Variants in SCFD1 observed in about 807,000 individuals in gnomAD.
The protein encoded by SCFD1 is sec1 family domain containing 1, also known as sec1 family domain-containing protein 1.
Under a neutral mutation model 103.2 loss-of-function variants are expected in SCFD1, and 37 were observed. That is an observed-to-expected ratio of 0.36 (90% confidence interval 0.28 to 0.47). The LOEUF (loss-of-function observed/expected upper bound fraction) is 0.47. SCFD1 is among the 20% of genes least tolerant of loss of function. The pLI is 1.00. For synonymous variants in SCFD1, 264 were observed against 245.0 expected, an observed-to-expected ratio of 1.08 and a Z score of -0.73; for missense variants, 639 against 761.2, an observed-to-expected ratio of 0.84 and a Z score of 1.89.
chr14:30,649,121 T>A (rs1001278280), intron 7 of SCFD1, among the ~76,000 whole-genome samples: 5 of 152,214 alleles, frequency 3.3e-5, no homozygotes, highest in Non-Finnish European at 7.3e-5. Flanking sequence ...TTTTCTTTAT[T>A]AATGGGAAGG....
rs1035703489 is a variant in SCFD1, at chr14:30,684,679, C to T, written c.1242+9614C>T. ...TTCATTATATATAATCTATATTCCA[C>T]GCATAGTGCTTTTGATTGTCTAGAA... On this transcript the variant is annotated intron_variant, in intron 14 of 24. Transcript: ENST00000458591. Among the ~76,000 whole-genome samples, 6 of 147,836 alleles carry T rather than the reference C, an allele frequency of 4.1e-5. No individual in the cohort carries two copies. The East Asian group carries it at 5.9e-4, about 14-fold the overall frequency.
chr14:30,677,707 C>A (rs1374577738), intron 14 of SCFD1, among the ~76,000 whole-genome samples: 1 of 151,838 alleles, frequency 6.6e-6, no homozygotes, highest in Non-Finnish European at 1.5e-5. Context: ...AAGCCACCTA[C>A]TGCTGGCTGT....
intron 15 of SCFD1, among the ~76,000 whole-genome samples, chr14:30,698,147 T>G (rs545685332): frequency 6.6e-6 from 1 of 152,332 alleles, no homozygotes; most frequent in South Asian, 2.1e-4. Context: ...CAAACTGTAC[T>G]TAAAATTTTT....
At chr14:30,622,272 C>A, upstream of SCFD1, 2 of 1,580,302 alleles carry the variant, frequency 1.3e-6, no homozygotes, top group African/African-American at 1.3e-5. Context: ...GCTTCCGGGG[C>A]GGTAAGGGCA....
chr14:30,628,221 G>T lies in SCFD1; in HGVS notation c.74G>T (p.Arg25Leu). The change falls in exon 2 of 25, where the codon CGT becomes CTT. Residue 25 changes from arginine to leucine, a missense_variant. Arg to Leu is a moderately radical substitution (Grantham distance 102). Transcript: ENST00000458591. ...IRERQTVALK[R>L]MLNFNVPHIK... ...TTTTTATTTTCAGTGGCTTTGAAGC[G>T]TATGTTGAATTTCAATGTGCCTCAT... 1 of 1,609,662 alleles carries T rather than the reference G, an allele frequency of 6.2e-7. No individual in the cohort carries two copies. Among genetic ancestry groups the T allele is most frequent in the Non-Finnish European group, 8.5e-7 (1 of 1,176,710 alleles).
intron 10 of SCFD1, among the ~76,000 whole-genome samples, chr14:30,665,631 C>T (rs1429644791): frequency 6.6e-6 from 1 of 152,108 alleles, no homozygotes; most frequent in Non-Finnish European, 1.5e-5. Context: ...CATCAGTGTG[C>T]TGTATTCAGG....
rs141530306 is a variant in SCFD1 at position 30,674,230 on chromosome 14, T to C, written c.1160+233T>C. On this transcript the variant is annotated intron_variant, in intron 13 of 24. Coordinates refer to ENST00000458591, the MANE Select transcript of SCFD1 (RefSeq NM_016106.4). ...ACCAGTTAGAACTGTGTAATAGGGG[T>C]AATTTTATGAGGAAAATACTATTAA... 2.0e-5 allele frequency among the ~76,000 whole-genome samples: 3 copies of C among 152,296 alleles called. No individual in the cohort carries two copies. In the East Asian group the frequency reaches 5.8e-4, roughly 29 times the overall value.
At chr14:30,705,679 T>A in intron 17 of SCFD1, 144 bp from the exon 18 acceptor site, 1 of 600,986 alleles carries the variant, frequency 1.7e-6, no homozygotes, top group Non-Finnish European at 3.0e-6. Context: ...CTAATTGTAG[T>A]GTACTTGTAT....
intron 7 of SCFD1, chr14:30,644,132 A>G (rs1885570107): frequency 8.4e-6 from 3 of 358,946 alleles, no homozygotes; most frequent in Non-Finnish European, 1.7e-5. Context: ...TTCCCTTAGA[A>G]TAATGACCTC....
rs768821029 is a variant in SCFD1, at chr14:30,734,789, G to C, written c.1837-1G>C. 6.2e-7 allele frequency: 1 copy of C among 1,611,388 alleles called. No homozygotes were observed. Among genetic ancestry groups the C allele is most frequent in the Non-Finnish European group, 8.5e-7 (1 of 1,177,660 alleles). Reference sequence around the variant, plus strand: ...CTAAGTTCTGACTCTGATTTTTACAGGGGAAACAAGGCAAACACATTTTAT... The same window carrying C: ...CTAAGTTCTGACTCTGATTTTTACACGGGAAACAAGGCAAACACATTTTAT... On this transcript the variant is annotated splice_acceptor_variant, in intron 23 of 24. Transcript: ENST00000458591. LOFTEE classifies it high-confidence loss of function.
chr14:30,637,723 A>C (rs1884871385), intron 4 of SCFD1, among the ~76,000 whole-genome samples: 1 of 152,136 alleles, frequency 6.6e-6, no homozygotes, highest in Non-Finnish European at 1.5e-5. Flanking sequence ...TGGATTTATA[A>C]CTTGTCTGTG....
At position 30,719,704 on chromosome 14, in the gene SCFD1, GAAA is replaced by G. The variant is rs1342401963; in HGVS notation, c.1736+332_1736+334del. ...AATGAATATTCTTATTGGACCAATTGAAAAAAATAGGAGCTTTATATTGGATAC... is the reference window on the plus strand; with the variant it reads ...AATGAATATTCTTATTGGACCAATTGAAAATAGGAGCTTTATATTGGATAC... On this transcript the variant is annotated intron_variant, in intron 21 of 24. Coordinates refer to ENST00000458591, the MANE Select transcript of SCFD1 (RefSeq NM_016106.4). Among the ~76,000 whole-genome samples, 5 of 152,042 alleles carry G rather than the reference GAAA, an allele frequency of 3.3e-5. No homozygotes were observed. The East Asian group carries it at 7.7e-4, about 23-fold the overall frequency.
Position 30,675,674 on chromosome 14 carries a change from C to T in SCFD1, c.1242+609C>T, listed in dbSNP as rs1888972470. ...GTTCTCCACACTTGGAGCTGAATTT[C>T]TGTGGCAGATTGACCATATGCTAAA... On this transcript the variant is annotated intron_variant, in intron 14 of 24. Transcript: ENST00000458591. Among the ~76,000 whole-genome samples the T allele has an allele frequency of 2.6e-5, 4 of 152,178 alleles. No homozygotes were observed. In the South Asian group the frequency reaches 6.2e-4, roughly 24 times the overall value.
rs1306721425 is a variant in SCFD1, at chr14:30,719,744, T to C, written c.1736+367T>C. 5.9e-5 allele frequency among the ~76,000 whole-genome samples: 9 copies of C among 152,294 alleles called. No individual in the cohort carries two copies. The East Asian group carries it at 1.7e-3, about 29-fold the overall frequency. The stretch of plus-strand genomic sequence containing the variant: ...TTTATATTGGATACCAGTTGTTTGG[T>C]TGTTTTTTATTTAACTGGTCCATAA... On this transcript the variant is annotated intron_variant, in intron 21 of 24. Coordinates refer to ENST00000458591, the MANE Select transcript of SCFD1 (RefSeq NM_016106.4).
At chr14:30,642,569 T>G (rs1260575854) in intron 6 of SCFD1, among the ~76,000 whole-genome samples, 2 of 152,180 alleles carry the variant, frequency 1.3e-5, no homozygotes, top group African/African-American at 4.8e-5. Flanking sequence ...AGAAGAGAAA[T>G]TTATATAACT....
intron 19 of SCFD1, among the ~76,000 whole-genome samples, chr14:30,714,340 G>A (rs376269330): frequency 4.2e-5 from 6 of 143,808 alleles, no homozygotes; most frequent in East Asian, 4.1e-4. Context: ...CGGCCTGGGC[G>A]ACAGAGCGAG....
chr14:30,673,488 G>C, intron 12 of SCFD1, 141 bp downstream of exon 12: 1 of 480,434 alleles, frequency 2.1e-6, no homozygotes, highest in Non-Finnish European at 3.8e-6. Context: ...TTGCGTAAGT[G>C]ATCAAAAAGA....
intron 19 of SCFD1, among the ~76,000 whole-genome samples, chr14:30,712,496 T>G: frequency 6.6e-6 from 1 of 152,206 alleles, no homozygotes; most frequent in African/African-American, 2.4e-5. Context: ...ATTATATTTC[T>G]TAGTTGTCTT....
chr14:30,723,570 C>G (rs1016554274), intron 23 of SCFD1, among the ~76,000 whole-genome samples: 1 of 152,112 alleles, frequency 6.6e-6, no homozygotes, highest in Non-Finnish European at 1.5e-5. Flanking sequence ...CCACCAGGCC[C>G]CAGTCTGTGT....
Sources: allele counts gnomAD v4.1 joint callset (sites outside exome capture counted in the v4.1 genomes callset), GRCh38; gene constraint gnomAD v4.1.1; transcripts MANE v1.5; gene names NCBI Gene and HGNC (gene_info 2026-07-23, HGNC 2026-07-21).